GATA6: variants seen among roughly 807,000 people sequenced by gnomAD.
GATA6 encodes the protein transcription factor GATA-6.
GATA6 carries 11 observed loss-of-function variants against 48.1 expected under a neutral mutation model. The observed-to-expected ratio is 0.23, with a 90% confidence interval of 0.14 to 0.38. GATA6 has a LOEUF of 0.38. GATA6 is among the 10% of genes least tolerant of loss of function. GATA6 has a pLI of 1.00. For synonymous variants in GATA6, 419 were observed against 396.1 expected (o/e 1.06, Z -0.69); for missense variants, 795 against 850.3 (o/e 0.93, Z 0.81).
At chr18:22,188,598 G>A (rs1043077198) in intron 6 of GATA6, among the ~76,000 whole-genome samples, 1 of 152,178 alleles carries the variant, frequency 6.6e-6, no homozygotes, top group Non-Finnish European at 1.5e-5. Context: ...TCAAATCAAC[G>A]ATGGACTTTA....
rs116207634 is a variant in GATA6 at position 22,185,600 on chromosome 18, C to T, written c.1620+2557C>T. Reference sequence around the variant, plus strand: ...CTTGGCCTTGTTCCGAGGGCACACACGGCTGGTGCCTGGGCTTGCAGGGTT... The same window carrying T: ...CTTGGCCTTGTTCCGAGGGCACACATGGCTGGTGCCTGGGCTTGCAGGGTT... On this transcript the variant is annotated intron_variant, in intron 6 of 6. Transcript: ENST00000269216. This position sits in a 1 kb window ranked among gnomAD's most constrained non-coding sequence, Gnocchi z 4.3. Among the ~76,000 whole-genome samples, 1,949 of 152,338 alleles carry T rather than the reference C, an allele frequency of 0.013. 45 individuals carry two copies. Among genetic ancestry groups the T allele is most frequent in the African/African-American group, 0.045 (1,870 of 41,576 alleles).
chr18:22,171,186 C>T lies in GATA6; in HGVS notation c.42C>T (p.Phe14=), dbSNP rs2033033804. 3 of 1,599,418 alleles carry T rather than the reference C, an allele frequency of 1.9e-6. No homozygotes were observed. The highest frequency in any genetic ancestry group is 2.2e-5 in the South Asian group (2 of 90,968). The part of the protein sequence containing the change: ...TDGGWCLPKR[F]GAAGADASDS... ...GCGGCTGGTGCTTGCCGAAGCGCTT[C>T]GGGGCCGCGGGTGCGGACGCCAGCG... is the stretch of plus-strand genomic sequence containing the variant. The change falls in exon 2 of 7, where the codon TTC becomes TTT. Residue 14 remains phenylalanine (F), a synonymous_variant. Coordinates refer to ENST00000269216, the MANE Select transcript of GATA6 (RefSeq NM_005257.6). This position sits in a 1 kb window ranked among gnomAD's most constrained non-coding sequence, Gnocchi z 7.1.
At position 22,181,477 on chromosome 18, in the gene GATA6, T is replaced by A; in HGVS notation, c.1327T>A (p.Ser443Thr). The change falls in exon 4 of 7, where the codon TCC (serine) becomes ACC (threonine). Residue 443 changes from serine (S) to threonine (T), a missense_variant. Ser to Thr is a moderately conservative substitution (Grantham distance 58). Transcript: ENST00000269216. ...GCCTTCATCACGGCGGCTTGGATTG[T>A]CCTGTGCCAACTGTCACACCACAAC... ...RVPSSRRLGL[S>T]CANCHTTTTT... 2 of 1,614,248 alleles carry A rather than the reference T, an allele frequency of 1.2e-6. No homozygotes were observed. Among genetic ancestry groups the A allele is most frequent in the Non-Finnish European group, 1.7e-6 (2 of 1,180,042 alleles).
chr18:22,171,810 C>A lies in GATA6; in HGVS notation c.666C>A (p.His222Gln). The change falls in exon 2 of 7, where the codon CAC becomes CAA. Residue 222 changes from histidine (H) to glutamine (Q), a missense_variant. Physicochemically the swap from His to Gln is conservative, Grantham distance 24. Coordinates refer to ENST00000269216, the MANE Select transcript of GATA6 (RefSeq NM_005257.6). The surrounding 1 kb of genome is among the most constrained non-coding windows in gnomAD (Gnocchi z 7.1). ...PANHAGGAGA[H>Q]PGWPQASADS... ...ACCACGCGGGCGGCGCGGGCGCGCACCCCGGCTGGCCTCAGGCCTCGGCCG... is the reference window on the plus strand; with the variant it reads ...ACCACGCGGGCGGCGCGGGCGCGCAACCCGGCTGGCCTCAGGCCTCGGCCG... 7.8e-7 allele frequency: 1 copy of A among 1,287,192 alleles called. No homozygotes were observed. The highest frequency in any genetic ancestry group is 3.0e-4 in the Middle Eastern group (1 of 3,370). The allele number at this position is 1,287,192 out of a possible 1,614,324, so 79.7% of individuals were successfully genotyped here. A position where few individuals can be genotyped will look rare whatever the true frequency, so the allele number is the denominator to read the frequency against.
In GATA6 at chr18:22,200,744, T is replaced by C; in HGVS notation, c.1709T>C (p.Ile570Thr). The C allele has an allele frequency of 1.9e-6, 3 of 1,614,132 alleles. No homozygotes were observed. The highest frequency in any genetic ancestry group is 2.5e-6 in the Non-Finnish European group (3 of 1,180,012). Residue 570 changes from isoleucine to threonine, a missense_variant, in exon 7 of 7, where the codon ATA becomes ACA. Physicochemically the swap from Ile to Thr is moderately conservative, Grantham distance 89. This residue lies in a region of GATA6 where 103 missense variants were observed against 103.7 expected (regional missense o/e 0.99). Coordinates refer to ENST00000269216, the MANE Select transcript of GATA6 (RefSeq NM_005257.6). ...TATTCGGGTCAAGATGGGCTCTACA[T>C]AGGCGTCAGTCTCGCCTCGCCGGCC... ...LKYSGQDGLY[I>T]GVSLASPAEV...
chr18:22,180,019 C>T (rs994678696), intron 3 of GATA6: 1 of 152,116 alleles, frequency 6.6e-6, no homozygotes, highest in African/African-American at 2.4e-5. Context: ...ATTTACATTT[C>T]TCTCTTCTTC....
chr18:22,197,218 A>AT (rs1164217484), intron 6 of GATA6, among the ~76,000 whole-genome samples: 3 of 151,756 alleles, frequency 2.0e-5, no homozygotes, highest in Non-Finnish European at 4.4e-5. Flanking sequence ...TGCTCGGCTA[A>AT]TTTTTTTGTG....
intron 6 of GATA6, among the ~76,000 whole-genome samples, chr18:22,200,176 A>AGTGTGTGTGT (rs59255780): frequency 2.7e-4 from 41 of 150,466 alleles, no homozygotes; most frequent in Admixed American, 6.6e-4. Context: ...GCCTTGTTAG[A>AGTGTGTGTGT]GTGTGTGTGT....
chr18:22,186,241 C>T (rs937718908), intron 6 of GATA6, among the ~76,000 whole-genome samples: 4 of 152,004 alleles, frequency 2.6e-5, no homozygotes, highest in Admixed American at 6.6e-5. Context: ...GATGGGGCCA[C>T]GGAACTACAA....
At chr18:22,199,900 C>CAAAA (rs35638046) in intron 6 of GATA6, among the ~76,000 whole-genome samples, 108 of 67,346 alleles carry the variant, frequency 1.6e-3, no homozygotes, top group Middle Eastern at 0.011. Flanking sequence ...GACTCTGTTT[C>CAAAA]AAAAAAAAAA....
Position 22,185,408 on chromosome 18 carries a change from G to A in GATA6, c.1620+2365G>A, listed in dbSNP as rs1352109439. ...CTGCGGTAGTCTAGGCAGCCTCCAC[G>A]GGGACTGAGAAGCTGGGAGTGGCTG... On this transcript the variant is annotated intron_variant, in intron 6 of 6. Coordinates refer to ENST00000269216, the MANE Select transcript of GATA6 (RefSeq NM_005257.6). The surrounding 1 kb of genome is among the most constrained non-coding windows in gnomAD (Gnocchi z 4.3). 6.6e-6 allele frequency among the ~76,000 whole-genome samples: 1 copy of A among 152,254 alleles called. No individual in the cohort carries two copies. The highest frequency in any genetic ancestry group is 1.5e-5 in the Non-Finnish European group (1 of 68,050).
In GATA6 at chr18:22,171,311, G is replaced by A. The variant is rs1208423597; in HGVS notation, c.167G>A (p.Gly56Asp). Residue 56 changes from glycine to aspartate, a missense_variant, in exon 2 of 7, where the codon GGC (glycine) becomes GAC (aspartate). By Grantham distance (94) the Gly-to-Asp change is moderately conservative (BLOSUM62 -1). Transcript: ENST00000269216. The surrounding 1 kb of genome is among the most constrained non-coding windows in gnomAD (Gnocchi z 7.1). ...CSRGGERGPG[G>D]ASNCGTPQLD... is the part of the protein sequence containing the mutation. ...CGGGGCGGAGAGCGGGGCCCCGGCG[G>A]CGCCAGCAACTGCGGGACGCCTCAG... is the stretch of plus-strand genomic sequence containing the variant. 1.3e-6 allele frequency: 2 copies of A among 1,590,062 alleles called. No homozygotes were observed. Among genetic ancestry groups the A allele is most frequent in the South Asian group, 1.1e-5 (1 of 90,332 alleles).
Position 22,171,617 on chromosome 18 carries a change from G to T in GATA6, c.473G>T (p.Gly158Val), listed in dbSNP as rs757797666. 4 of 1,599,352 alleles carry T rather than the reference G, an allele frequency of 2.5e-6. No individual in the cohort carries two copies. In the South Asian group the frequency reaches 4.4e-5, roughly 18 times the overall value. Reference protein sequence around the residue: ...YQTLAALSSQGPAAYDGAPGG... With the variant: ...YQTLAALSSQVPAAYDGAPGG... ...ACCCTCGCCGCTCTCTCCAGCCAGG[G>T]TCCGGCCGCCTACGACGGCGCGCCC... is the stretch of plus-strand genomic sequence containing the variant. Residue 158 changes from glycine to valine, a missense_variant, in exon 2 of 7, where the codon GGT (glycine) becomes GTT (valine). By Grantham distance (109) the Gly-to-Val change is moderately radical. Coordinates refer to ENST00000269216, the MANE Select transcript of GATA6 (RefSeq NM_005257.6). This position sits in a 1 kb window ranked among gnomAD's most constrained non-coding sequence, Gnocchi z 7.1.
chr18:22,200,788 C>A lies in GATA6; in HGVS notation c.1753C>A (p.Arg585=), dbSNP rs901757934. The A allele has an allele frequency of 3.1e-6, 5 of 1,612,908 alleles. No individual in the cohort carries two copies. Among genetic ancestry groups the A allele is most frequent in the African/African-American group, 2.7e-5 (2 of 74,896 alleles). The change falls in exon 7 of 7, where the codon CGA becomes AGA. Residue 585 remains arginine, a synonymous_variant. Transcript: ENST00000269216. ...GCCGGCCGAAGTCACGTCCTCCGTG[C>A]GACCGGATTCCTGGTGCGCCCTGGC... ...ASPAEVTSSV[R]PDSWCALALA is the part of the protein sequence containing the mutation.
At chr18:22,191,032 CGTGTGTGTGTG>C (rs2033321402) in intron 6 of GATA6, among the ~76,000 whole-genome samples, 1 of 121,164 alleles carries the variant, frequency 8.3e-6, no homozygotes, top group African/African-American at 3.0e-5. Flanking sequence ...TTTTAAATCT[CGTGTGTGTGTG>C]TGTGTGTGTG....
At chr18:22,182,670 T>C (rs1332332827) in intron 4 of GATA6, 87 bp from the exon 5 acceptor site, 2 of 996,876 alleles carry the variant, frequency 2.0e-6, no homozygotes, top group African/African-American at 1.6e-5. Context: ...CAAATTCTTT[T>C]AAATGAGAGC....
At chr18:22,182,348 T>C (rs2033208051) in intron 4 of GATA6, among the ~76,000 whole-genome samples, 1 of 148,676 alleles carries the variant, frequency 6.7e-6, no homozygotes, top group South Asian at 2.1e-4. Flanking sequence ...TATGCCAAGT[T>C]CTTTTTTTTT....
Position 22,201,747 on chromosome 18 carries a change from C to G in GATA6, c.*924C>G, listed in dbSNP as rs1289921096. On this transcript the variant is annotated 3_prime_UTR_variant, in exon 7 of 7. Coordinates refer to ENST00000269216, the MANE Select transcript of GATA6 (RefSeq NM_005257.6). ...TTTTATACAAGAACACCAATATACC[C>G]CCTTTATTTTACTGTGGAATATGTG... 2.6e-5 allele frequency: 4 copies of G among 152,550 alleles called. No homozygotes were observed. The highest frequency in any genetic ancestry group is 5.9e-5 in the Non-Finnish European group (4 of 68,020). 9.4% of individuals were successfully genotyped at this position (152,550 alleles called of 1,614,324 possible). A position where few individuals can be genotyped will look rare whatever the true frequency, so the allele number is the denominator to read the frequency against.
Position 22,172,424 on chromosome 18 carries a change from G to C in GATA6, c.1135+145G>C. The stretch of plus-strand genomic sequence containing the variant: ...GTCGGCCTGGTCCCAGGAAGGATTT[G>C]CAGGCCTGTGGCTGGGTAACCCAGA... On this transcript the variant is annotated intron_variant, in intron 2 of 6. Transcript: ENST00000269216. This position sits in a 1 kb window ranked among gnomAD's most constrained non-coding sequence, Gnocchi z 5.2. 7.1e-7 allele frequency: 1 copy of C among 1,403,452 alleles called. No individual in the cohort carries two copies. The highest frequency in any genetic ancestry group is 9.4e-7 in the Non-Finnish European group (1 of 1,065,376). The allele number at this position is 1,403,452 out of a possible 1,614,324, so 86.9% of individuals were successfully genotyped here.
Sources: gnomAD v4.1 joint callset for allele counts (sites outside exome capture counted in the v4.1 genomes callset) on GRCh38, gnomAD v4.1.1 for gene constraint, gnomAD v4.1.1 regional missense constraint, Gnocchi (gnomAD v3.1) non-coding constraint, MANE v1.5 for transcripts, NCBI Gene and HGNC (gene_info 2026-07-23, HGNC 2026-07-21) for gene names.